UNC80: variants seen among roughly 807,000 people sequenced by gnomAD.
The protein encoded by UNC80 is protein unc-80 homolog.
UNC80 carries 164 observed loss-of-function variants against 384.6 expected under a neutral mutation model. The observed-to-expected ratio is 0.43, with a 90% CI of 0.38 to 0.49. The LOEUF (loss-of-function observed/expected upper bound fraction) is 0.49. Ranked by LOEUF, UNC80 falls within the 20% of genes least tolerant of loss-of-function variation. The pLI, the probability that UNC80 is intolerant of heterozygous loss-of-function variation, is 0.00. For synonymous variants in UNC80, 1,486 were observed against 1,527.8 expected (o/e 0.97, Z 0.64); for missense variants, 3,330 against 4,143.0 (o/e 0.80, Z 5.39).
intron 18 of UNC80, among the ~76,000 whole-genome samples, chr2:209,837,018 G>A (rs1189469895): frequency 6.6e-6 from 1 of 152,044 alleles, no homozygotes; most frequent in East Asian, 1.9e-4. Flanking sequence ...TTCATACCCT[G>A]TAATCATTTG....
chr2:209,905,367 G>C (rs2124931637), intron 29 of UNC80, among the ~76,000 whole-genome samples: 1 of 152,262 alleles, frequency 6.6e-6, no homozygotes, highest in Non-Finnish European at 1.5e-5. Context: ...AGCTGTGCTT[G>C]ATGTCATCAT....
chr2:209,879,231 G>A (rs1046090870), intron 24 of UNC80, among the ~76,000 whole-genome samples: 3 of 152,144 alleles, frequency 2.0e-5, no homozygotes, highest in East Asian at 1.9e-4. Context: ...CAACAATCAC[G>A]GAACCTAGGG....
intron 47 of UNC80, among the ~76,000 whole-genome samples, chr2:209,947,830 C>A (rs2091981153): frequency 6.6e-6 from 1 of 152,038 alleles, no homozygotes; most frequent in Admixed American, 6.5e-5. Context: ...TACATAACTA[C>A]CACTCAGATT....
chr2:209,826,628 T>G (rs2080541894), intron 14 of UNC80, among the ~76,000 whole-genome samples: 1 of 152,180 alleles, frequency 6.6e-6, no homozygotes, highest in Non-Finnish European at 1.5e-5. Context: ...AACTTGAAAC[T>G]CTGCATTTGG....
intron 2 of UNC80, among the ~76,000 whole-genome samples, chr2:209,775,424 G>A (rs1042598579): frequency 6.6e-6 from 1 of 152,078 alleles, no homozygotes; most frequent in African/African-American, 2.4e-5. Context: ...TTCCAAAGTT[G>A]TATCTTAACA....
intron 16 of UNC80, among the ~76,000 whole-genome samples, chr2:209,833,276 C>CAAAAA (rs554565630): frequency 5.1e-5 from 5 of 97,340 alleles, no homozygotes; most frequent in African/African-American, 1.1e-4. Context: ...TTTCCTAAGG[C>CAAAAA]AAAAAAAAAA....
intron 17 of UNC80, among the ~76,000 whole-genome samples, 177 bp from the exon 18 acceptor site, chr2:209,834,735 G>C (rs1410594097): frequency 6.6e-6 from 1 of 152,218 alleles, no homozygotes; most frequent in Non-Finnish European, 1.5e-5. Context: ...CAAAAAGGCT[G>C]CTAAGTCATG....
intron 18 of UNC80, among the ~76,000 whole-genome samples, chr2:209,837,907 G>A (rs959518653): frequency 2.0e-5 from 3 of 152,004 alleles, no homozygotes; most frequent in Non-Finnish European, 2.9e-5. Flanking sequence ...GAGTAGCTGG[G>A]ACTACAGGCG....
intron 22 of UNC80, among the ~76,000 whole-genome samples, chr2:209,871,067 T>G (rs2084251498): frequency 6.6e-6 from 1 of 152,144 alleles, no homozygotes; most frequent in African/African-American, 2.4e-5. Context: ...TCTTTATTTG[T>G]TTTATGGTTG....
intron 22 of UNC80, among the ~76,000 whole-genome samples, chr2:209,859,262 C>A (rs1423430134): frequency 6.6e-6 from 1 of 152,160 alleles, no homozygotes; most frequent in African/African-American, 2.4e-5. Flanking sequence ...GTTCAACTCC[C>A]ACTTATGAGT....
At position 209,996,569 on chromosome 2, in the gene UNC80, C is replaced by T. The variant is rs1006950961; in HGVS notation, c.*974C>T. The T allele has an allele frequency of 6.6e-6, 1 of 152,070 alleles. No individual in the cohort carries two copies. Among genetic ancestry groups the T allele is most frequent in the South Asian group, 2.1e-4 (1 of 4,830 alleles). The allele number at this position is 152,070 out of a possible 1,614,324, so 9.4% of individuals were successfully genotyped here. Reference sequence around the variant, plus strand: ...TAAAATAACATTTTCCTAATAGAAACAATATTCTTATGATACTTGGAACAT... The same window carrying T: ...TAAAATAACATTTTCCTAATAGAAATAATATTCTTATGATACTTGGAACAT... On this transcript the variant is annotated 3_prime_UTR_variant, in exon 65 of 65. Transcript: ENST00000673920.
chr2:209,927,246 G>A (rs2090508553), intron 36 of UNC80, among the ~76,000 whole-genome samples: 2 of 152,162 alleles, frequency 1.3e-5, no homozygotes, highest in African/African-American at 4.8e-5. Flanking sequence ...CCAGAGAACA[G>A]AACAACACAA....
At chr2:209,845,713 A>G (rs75970541) in intron 21 of UNC80, among the ~76,000 whole-genome samples, 2 of 152,208 alleles carry the variant, frequency 1.3e-5, no homozygotes, top group Non-Finnish European at 2.9e-5. Context: ...TATAGCTTGT[A>G]TATCACTATT....
intron 38 of UNC80, among the ~76,000 whole-genome samples, chr2:209,932,654 C>G (rs1020562778): frequency 1.3e-5 from 2 of 152,202 alleles, no homozygotes; most frequent in African/African-American, 4.8e-5. Context: ...AAATACTCAA[C>G]TTAACAGATA....
chr2:209,913,116 T>C (rs963009725), intron 30 of UNC80, among the ~76,000 whole-genome samples: 14 of 152,330 alleles, frequency 9.2e-5, no homozygotes, highest in African/African-American at 3.4e-4. Flanking sequence ...AATTATGGCA[T>C]GGATTAAAGA....
At chr2:209,943,108 T>C (rs986261188) in intron 44 of UNC80, among the ~76,000 whole-genome samples, 2 of 152,206 alleles carry the variant, frequency 1.3e-5, no homozygotes, top group East Asian at 3.8e-4. Context: ...GGCCTTCTTA[T>C]GTATGCATGT....
At chr2:209,955,905 C>G (rs374049563) in intron 48 of UNC80, among the ~76,000 whole-genome samples, 1 of 150,792 alleles carries the variant, frequency 6.6e-6, no homozygotes, top group African/African-American at 2.4e-5. Flanking sequence ...CACCAGGCCC[C>G]GATAATTTTT....
At chr2:209,886,477 C>T (rs1050188857) in intron 25 of UNC80, among the ~76,000 whole-genome samples, 1 of 151,936 alleles carries the variant, frequency 6.6e-6, no homozygotes, top group East Asian at 1.9e-4. Flanking sequence ...CTAGGATAAA[C>T]AAATCTCTAT....
At chr2:209,828,702 C>T (rs149602589) in intron 14 of UNC80, among the ~76,000 whole-genome samples, 1,822 of 152,204 alleles carry the variant, frequency 0.012, 40 homozygotes, top group African/African-American at 0.04. Flanking sequence ...ATTAAGGTGG[C>T]CCTCACTCAG....
Sources: allele counts gnomAD v4.1 joint callset (sites outside exome capture counted in the v4.1 genomes callset), GRCh38; gene constraint gnomAD v4.1.1; transcripts MANE v1.5; gene names NCBI Gene and HGNC (gene_info 2026-07-23, HGNC 2026-07-21).